The following PPP1R14D variants were observed in gnomAD, a reference collection of about 807,000 sequenced individuals.
PPP1R14D encodes the protein protein phosphatase 1 regulatory subunit 14D.
Under a neutral mutation model 17.1 loss-of-function variants are expected in PPP1R14D, and 14 were observed. That is an observed-to-expected ratio of 0.82 (90% CI 0.54 to 1.28). PPP1R14D has a LOEUF of 1.28. Ranked by LOEUF, PPP1R14D falls within the 50% of genes most tolerant of loss-of-function variation. The pLI, the probability that PPP1R14D is intolerant of heterozygous loss-of-function variation, is 0.00. For synonymous variants in PPP1R14D, 67 were observed against 66.1 expected, an observed-to-expected ratio of 1.01 and a Z score of -0.06; for missense variants, 173 against 179.2, an observed-to-expected ratio of 0.97 and a Z score of 0.20.
chr15:40,816,814 G>A (rs1046528408), intron 1 of PPP1R14D, among the ~76,000 whole-genome samples: 1 of 152,158 alleles, frequency 6.6e-6, no homozygotes, highest in African/African-American at 2.4e-5. Context: ...GCTCACTCCT[G>A]TAATCCCAGC....
intron 1 of PPP1R14D, among the ~76,000 whole-genome samples, chr15:40,817,046 G>A (rs1022915043): frequency 5.9e-5 from 9 of 151,804 alleles, no homozygotes; most frequent in Non-Finnish European, 7.4e-5. Context: ...ACTCCAGCCC[G>A]TCTGGGCGAG....
intron 1 of PPP1R14D, among the ~76,000 whole-genome samples, chr15:40,826,252 G>T (rs1236078745): frequency 2.0e-5 from 3 of 152,044 alleles, no homozygotes; most frequent in African/African-American, 7.2e-5. Context: ...AGATAGACTG[G>T]GTCACAACAA....
At chr15:40,816,043 G>A (rs767730725) in intron 2 of PPP1R14D, 49 bp from the exon 3 acceptor site, 9 of 1,608,882 alleles carry the variant, frequency 5.6e-6, no homozygotes, top group South Asian at 4.4e-5. Context: ...GCACTTTCCC[G>A]CAAGTCCCCA....
chr15:40,826,937 T>C (rs796340100), intron 1 of PPP1R14D, among the ~76,000 whole-genome samples: 9 of 152,364 alleles, frequency 5.9e-5, no homozygotes, highest in African/African-American at 2.2e-4. Flanking sequence ...GAACAGCAGT[T>C]CTTACCTCTC....
intron 1 of PPP1R14D, among the ~76,000 whole-genome samples, chr15:40,817,857 C>G (rs1391744026): frequency 6.6e-6 from 1 of 152,046 alleles, no homozygotes; most frequent in Admixed American, 6.6e-5. Context: ...AAGTGATCCT[C>G]CCACCTCTGC....
chr15:40,815,971 G>A lies in PPP1R14D; in HGVS notation c.363C>T (p.Arg121=). The change falls in exon 3 of 4, where the codon CGC becomes CGT. Residue 121 remains arginine, a synonymous_variant. Coordinates refer to ENST00000299174, the MANE Select transcript of PPP1R14D (RefSeq NM_017726.8). ...QLEAILGNCP[R]PTEAFISELL... ...GAAGAACATCCCTTACCTCTGTGGG[G>A]CGGGGGCAGTTCCCAAGAATGGCCT... is the stretch of plus-strand genomic sequence containing the variant. 1 of 1,614,056 alleles carries A rather than the reference G, an allele frequency of 6.2e-7. No individual in the cohort carries two copies. The highest frequency in any genetic ancestry group is 8.5e-7 in the Non-Finnish European group (1 of 1,180,010).
chr15:40,815,506 C>G lies in PPP1R14D; in HGVS notation c.*190G>C. ...TGCCAAGGAAGGCATTGGACAACAG[C>G]CAGCTTTCTCCCAGAGAGCCCAGCT... On this transcript the variant is annotated 3_prime_UTR_variant, in exon 4 of 4. Transcript: ENST00000299174. The G allele has an allele frequency of 1.4e-6, 1 of 700,138 alleles. No individual in the cohort carries two copies. 43.4% of individuals were successfully genotyped at this position (700,138 alleles called of 1,614,324 possible).
Position 40,825,235 on chromosome 15 carries a change from A to C in PPP1R14D, c.255+3152T>G, listed in dbSNP as rs548843957. 7.9e-5 allele frequency among the ~76,000 whole-genome samples: 12 copies of C among 151,826 alleles called. No individual in the cohort carries two copies. In the South Asian group the frequency reaches 2.5e-3, roughly 32 times the overall value. On this transcript the variant is annotated intron_variant, in intron 1 of 3. Coordinates refer to ENST00000299174, the MANE Select transcript of PPP1R14D (RefSeq NM_017726.8). Reference sequence around the variant, plus strand: ...GGGAGGCGGAGGTTGCAGTGAGCCAAGGTCATGCCATTGTACTCCAGCCTG... The same window carrying C: ...GGGAGGCGGAGGTTGCAGTGAGCCACGGTCATGCCATTGTACTCCAGCCTG...
intron 1 of PPP1R14D, among the ~76,000 whole-genome samples, chr15:40,827,686 C>T (rs1218134458): frequency 6.6e-6 from 1 of 151,822 alleles, no homozygotes; most frequent in Non-Finnish European, 1.5e-5. Flanking sequence ...TTTGAGAGGC[C>T]GAGGCAGGCA....
Position 40,815,749 on chromosome 15 carries a change from C to CA in PPP1R14D, c.384dup (p.Glu129Ter). On this transcript the variant is annotated frameshift_variant, in exon 4 of 4. Coordinates refer to ENST00000299174, the MANE Select transcript of PPP1R14D (RefSeq NM_017726.8). LOFTEE classifies it high-confidence loss of function. ...AGTTTCTTGAGTTGACTGAGCAGCT[C>CA]AGAGATAAAAGCCTGAGGGAGAAAC... is the stretch of plus-strand genomic sequence containing the variant. 6.2e-7 allele frequency: 1 copy of CA among 1,611,898 alleles called. No homozygotes were observed. Among genetic ancestry groups the CA allele is most frequent in the Non-Finnish European group, 8.5e-7 (1 of 1,178,814 alleles).
chr15:40,822,874 C>A (rs879314270), intron 1 of PPP1R14D, among the ~76,000 whole-genome samples: 1 of 151,978 alleles, frequency 6.6e-6, no homozygotes, highest in Non-Finnish European at 1.5e-5. Context: ...TCATGGCTCA[C>A]TGCAGCCTCA....
chr15:40,828,045 T>C (rs1459914471), intron 1 of PPP1R14D, among the ~76,000 whole-genome samples: 1 of 152,172 alleles, frequency 6.6e-6, no homozygotes, highest in African/African-American at 2.4e-5. Context: ...AATAAAGATA[T>C]AAAATTTTGA....
intron 2 of PPP1R14D, 81 bp downstream of exon 2, chr15:40,816,089 C>G (rs1010415895): frequency 1.2e-6 from 2 of 1,600,638 alleles, no homozygotes; most frequent in South Asian, 2.2e-5. Flanking sequence ...TGGATTGGTT[C>G]TCTGCACTCC....
chr15:40,825,285 C>CAA (rs1189173309), intron 1 of PPP1R14D, among the ~76,000 whole-genome samples: 45 of 104,126 alleles, frequency 4.3e-4, no homozygotes, highest in African/African-American at 1.3e-3. Flanking sequence ...AACTCTGTCT[C>CAA]AAAAAAAAAA....
At chr15:40,827,465 G>A (rs897763407) in intron 1 of PPP1R14D, among the ~76,000 whole-genome samples, 6 of 152,184 alleles carry the variant, frequency 3.9e-5, no homozygotes, top group East Asian at 3.9e-4. Context: ...CCAAAATCAC[G>A]GCATTGCACT....
At chr15:40,818,682 C>T (rs1429991105) in intron 1 of PPP1R14D, among the ~76,000 whole-genome samples, 1 of 152,174 alleles carries the variant, frequency 6.6e-6, no homozygotes, top group Non-Finnish European at 1.5e-5. Context: ...GTAAAAAGAT[C>T]AGTGATTGCC....
chr15:40,826,886 C>A (rs1237677586), intron 1 of PPP1R14D, among the ~76,000 whole-genome samples: 1 of 152,190 alleles, frequency 6.6e-6, no homozygotes, highest in East Asian at 1.9e-4. Flanking sequence ...TGGCATTGAG[C>A]CTAGCACGTA....
Position 40,815,581 on chromosome 15 carries a change from CT to C in PPP1R14D, c.*114del. 1 of 1,315,808 alleles carries C rather than the reference CT, an allele frequency of 7.6e-7. No individual in the cohort carries two copies. The allele number at this position is 1,315,808 out of a possible 1,614,324, so 81.5% of individuals were successfully genotyped here. ...AGACAGTAGGAGTATGCAAATGTCC[CT>C]CCTTGTCCACATTTCTTGTTTGTGT... On this transcript the variant is annotated 3_prime_UTR_variant, in exon 4 of 4. Coordinates refer to ENST00000299174, the MANE Select transcript of PPP1R14D (RefSeq NM_017726.8).
At chr15:40,823,463 T>A (rs1357325293) in intron 1 of PPP1R14D, among the ~76,000 whole-genome samples, 1 of 152,166 alleles carries the variant, frequency 6.6e-6, no homozygotes, top group Non-Finnish European at 1.5e-5. Flanking sequence ...TCTACAGTAA[T>A]GTCCTAGGCC....
Sources: gnomAD v4.1 joint callset for allele counts (sites outside exome capture counted in the v4.1 genomes callset) on GRCh38, gnomAD v4.1.1 for gene constraint, MANE v1.5 for transcripts, NCBI Gene and HGNC (gene_info 2026-07-23, HGNC 2026-07-21) for gene names.